Variants in RANGAP1 observed in about 807,000 individuals in gnomAD.
RANGAP1 encodes the protein ran GTPase-activating protein 1.
RANGAP1 carries 38 observed loss-of-function variants against 63.5 expected under a neutral mutation model. The ratio of observed to expected loss-of-function variants is 0.60; its 90% CI spans 0.46 to 0.78. RANGAP1 has a LOEUF of 0.78. RANGAP1 is among the 30% of genes least tolerant of loss of function. The pLI is 0.00. For missense variants in RANGAP1, 630 were observed against 740.3 expected (o/e 0.85, Z 1.73); for synonymous variants, 329 against 310.5 (o/e 1.06, Z -0.63).
rs898078378 is a variant in RANGAP1 at position 41,246,455 on chromosome 22, CAG to C, written c.*146_*147del. On this transcript the variant is annotated 3_prime_UTR_variant, in exon 16 of 16. Coordinates refer to ENST00000356244, the MANE Select transcript of RANGAP1 (RefSeq NM_002883.4). Reference sequence around the variant, plus strand: ...CATGCGCCACACCCACACACATACTCAGGGGACTGACAGGACACATGGGACAC... The same window carrying C: ...CATGCGCCACACCCACACACATACTCGGGACTGACAGGACACATGGGACAC... The C allele has an allele frequency of 3.8e-6, 3 of 798,552 alleles. No homozygotes were observed. The highest frequency in any genetic ancestry group is 2.6e-5 in the Admixed American group (1 of 39,180). The allele number at this position is 798,552 out of a possible 1,614,324, so 49.5% of individuals were successfully genotyped here.
At chr22:41,247,063 CTTTTTT>C (rs901593174) in intron 15 of RANGAP1, among the ~76,000 whole-genome samples, 1 of 149,314 alleles carries the variant, frequency 6.7e-6, no homozygotes, top group African/African-American at 2.5e-5. Flanking sequence ...TTTTCTTTTT[CTTTTTT>C]TTTTGAGACG....
Position 41,256,210 on chromosome 22 carries a change from C to T in RANGAP1, c.969G>A (p.Leu323=). 6.2e-7 allele frequency: 1 copy of T among 1,614,174 alleles called. No homozygotes were observed. Among genetic ancestry groups the T allele is most frequent in the East Asian group, 2.2e-5 (1 of 44,874 alleles). ...VAEAMADKAE[L]EKLDLNGNTL... Reference sequence around the variant, plus strand: ...GACTACCATTCAGGTCCAGCTTCTCCAGCTCAGCTTTGTCTGCCATGGCCT... The same window carrying T: ...GACTACCATTCAGGTCCAGCTTCTCTAGCTCAGCTTTGTCTGCCATGGCCT... Residue 323 remains leucine (L), a synonymous_variant, in exon 9 of 16, where the codon CTG becomes CTA. Coordinates refer to ENST00000356244, the MANE Select transcript of RANGAP1 (RefSeq NM_002883.4).
chr22:41,281,098 T>C lies in RANGAP1; in HGVS notation c.-38-16A>G, dbSNP rs1043443122. ...GATCTGCAGACTGAGGAGGCCAAAG[T>C]TGCAGTAAGAAAAAGGAGTCTCCTG... On this transcript the variant is annotated splice_polypyrimidine_tract_variant and intron_variant, in intron 1 of 15. Coordinates refer to ENST00000356244, the MANE Select transcript of RANGAP1 (RefSeq NM_002883.4). The C allele has an allele frequency of 4.6e-6, 7 of 1,523,498 alleles. No homozygotes were observed. The highest frequency in any genetic ancestry group is 1.3e-5 in the South Asian group (1 of 76,314). The allele number at this position is 1,523,498 out of a possible 1,614,324, so 94.4% of individuals were successfully genotyped here. A position where few individuals can be genotyped will look rare whatever the true frequency, so the allele number is the denominator to read the frequency against.
At chr22:41,272,077 C>T (rs1461503705) in intron 3 of RANGAP1, among the ~76,000 whole-genome samples, 3 of 152,236 alleles carry the variant, frequency 2.0e-5, no homozygotes, top group Non-Finnish European at 4.4e-5. Context: ...AAGAGCCCAG[C>T]CTCAGAGCTG....
chr22:41,273,265 G>A (rs1206990261), intron 3 of RANGAP1, among the ~76,000 whole-genome samples: 1 of 152,126 alleles, frequency 6.6e-6, no homozygotes, highest in Non-Finnish European at 1.5e-5. Context: ...TGGAACTCTG[G>A]TCTCTCTCCC....
At chr22:41,292,879 G>GGATTGCTT in the RANGAP1 span, among the ~76,000 whole-genome samples, 3 of 152,094 alleles carry the variant, frequency 2.0e-5, no homozygotes, top group Admixed American at 6.6e-5. Context: ...TGAGGTGTGA[G>GGATTGCTT]GATTGCTTGA....
chr22:41,297,598 C>T, the RANGAP1 span, among the ~76,000 whole-genome samples: 1 of 151,170 alleles, frequency 6.6e-6, no homozygotes, highest in Non-Finnish European at 1.5e-5. Context: ...GCTGCCTCCA[C>T]CTTCTTGGCT....
chr22:41,252,654 G>A (rs936493899), intron 12 of RANGAP1, among the ~76,000 whole-genome samples: 2 of 152,192 alleles, frequency 1.3e-5, no homozygotes, highest in Admixed American at 1.3e-4. Flanking sequence ...CTGGCGGGCT[G>A]TACTTTCTGT....
chr22:41,252,788 G>C, intron 12 of RANGAP1, 84 bp downstream of exon 12: 2 of 1,392,658 alleles, frequency 1.4e-6, no homozygotes, highest in South Asian at 3.4e-5. Flanking sequence ...CGCACCCCCA[G>C]GTCTCTGAGC....
At chr22:41,255,304 G>A (rs755051958) in intron 10 of RANGAP1, among the ~76,000 whole-genome samples, 16 of 152,246 alleles carry the variant, frequency 1.1e-4, no homozygotes, top group South Asian at 8.3e-4. Flanking sequence ...GCCTAGCACC[G>A]AGGAGACACG....
chr22:41,276,571 A>T (rs2035157168), intron 2 of RANGAP1, among the ~76,000 whole-genome samples: 1 of 152,090 alleles, frequency 6.6e-6, no homozygotes, highest in Non-Finnish European at 1.5e-5. Context: ...CCTGGGAGGC[A>T]GAGGTTGCAG....
At chr22:41,298,762 G>A in the RANGAP1 span, among the ~76,000 whole-genome samples, 2 of 152,148 alleles carry the variant, frequency 1.3e-5, no homozygotes, top group Admixed American at 1.3e-4. Context: ...CGGCCTCCTA[G>A]TGTTGGGATT....
chr22:41,286,865 G>A (rs1436806398), upstream of RANGAP1, among the ~76,000 whole-genome samples: 1 of 152,152 alleles, frequency 6.6e-6, no homozygotes, highest in Admixed American at 6.6e-5. Flanking sequence ...GTCTAATCAT[G>A]AGAAACCCAA....
At chr22:41,289,925 T>C (rs2035818424), upstream of RANGAP1, among the ~76,000 whole-genome samples, 1 of 152,122 alleles carries the variant, frequency 6.6e-6, no homozygotes, top group Non-Finnish European at 1.5e-5. Context: ...GGCAGGAAGA[T>C]TGCTAAAGCC....
At chr22:41,269,853 A>C (rs2034693973) in intron 3 of RANGAP1, among the ~76,000 whole-genome samples, 1 of 152,068 alleles carries the variant, frequency 6.6e-6, no homozygotes, top group Non-Finnish European at 1.5e-5. Context: ...TATTTTTGAG[A>C]CAGAGTCTCA....
At chr22:41,288,737 C>T (rs1323532408), upstream of RANGAP1, among the ~76,000 whole-genome samples, 2 of 151,722 alleles carry the variant, frequency 1.3e-5, no homozygotes, top group Non-Finnish European at 2.9e-5. Flanking sequence ...AACAGAAATT[C>T]AGTGGCCTTC....
Position 41,281,078 on chromosome 22 carries a change from G to T in RANGAP1, c.-34C>A. On this transcript the variant is annotated 5_prime_UTR_variant, in exon 2 of 16. Transcript: ENST00000356244. ...GGCTGGTGGGCTCCCCTGGAGATCT[G>T]CAGACTGAGGAGGCCAAAGTTGCAG... 1 of 1,545,058 alleles carries T rather than the reference G, an allele frequency of 6.5e-7. No homozygotes were observed. The highest frequency in any genetic ancestry group is 8.7e-7 in the Non-Finnish European group (1 of 1,153,310).
intron 1 of RANGAP1, 35 bp downstream of exon 1, chr22:41,285,951 A>G (rs1489708352): frequency 6.5e-6 from 1 of 153,130 alleles, no homozygotes; most frequent in East Asian, 1.9e-4. Context: ...TGTTCCAGGC[A>G]GGTGACGGGG....
chr22:41,279,126 G>C (rs997128828), intron 2 of RANGAP1, among the ~76,000 whole-genome samples: 1 of 151,980 alleles, frequency 6.6e-6, no homozygotes, highest in African/African-American at 2.4e-5. Flanking sequence ...CTGGGTAACA[G>C]AGCGAGACTC....
Sources: allele counts gnomAD v4.1 joint callset (sites outside exome capture counted in the v4.1 genomes callset), GRCh38; gene constraint gnomAD v4.1.1; transcripts MANE v1.5; gene names NCBI Gene and HGNC (gene_info 2026-07-23, HGNC 2026-07-21).